GALNT13: variants seen among roughly 807,000 people sequenced by gnomAD.
GALNT13 encodes UDP-GalNAc:polypeptide N-acetylgalactosaminyltransferase 13.
GALNT13 carries 28 observed loss-of-function variants against 64.2 expected under a neutral mutation model. The ratio of observed to expected loss-of-function variants is 0.44; its 90% confidence interval spans 0.32 to 0.60. The LOEUF is 0.60. Ranked by LOEUF, GALNT13 falls within the 20% of genes least tolerant of loss-of-function variation. GALNT13 has a pLI of 0.05. For missense variants in GALNT13, 577 were observed against 669.8 expected (o/e 0.86, Z 1.53); for synonymous variants, 214 against 224.6 (o/e 0.95, Z 0.42).
chr2:154,184,855 A>G (rs1686167078), intron 4 of GALNT13, among the ~76,000 whole-genome samples: 1 of 152,116 alleles, frequency 6.6e-6, no homozygotes, highest in Non-Finnish European at 1.5e-5. Flanking sequence ...TAATACTTTA[A>G]TCTTAACTTT....
chr2:153,503,606 A>G, the GALNT13 span, among the ~76,000 whole-genome samples: 1 of 151,882 alleles, frequency 6.6e-6, no homozygotes, highest in South Asian at 2.1e-4. Context: ...ATACCCGGCT[A>G]ATTTTTGTAT....
chr2:153,908,216 G>A (rs545696002), intron 2 of GALNT13, among the ~76,000 whole-genome samples: 1 of 151,970 alleles, frequency 6.6e-6, no homozygotes, highest in African/African-American at 2.4e-5. Context: ...GTTGGTTCAT[G>A]TCCTCCGCCC....
At chr2:153,224,396 G>A in the GALNT13 span, among the ~76,000 whole-genome samples, 1 of 152,070 alleles carries the variant, frequency 6.6e-6, no homozygotes, top group Non-Finnish European at 1.5e-5. Flanking sequence ...CTCACTGAGT[G>A]GATGACAAGA....
intron 3 of GALNT13, among the ~76,000 whole-genome samples, chr2:153,962,338 G>A (rs72865093): frequency 0.072 from 11,012 of 152,174 alleles, 473 homozygotes; most frequent in Middle Eastern, 0.13. Flanking sequence ...TGGAATAGAC[G>A]TATCATGTGG....
chr2:153,334,498 T>C, the GALNT13 span, among the ~76,000 whole-genome samples: 1 of 152,204 alleles, frequency 6.6e-6, no homozygotes, highest in Non-Finnish European at 1.5e-5. Context: ...CTTTTACTTA[T>C]TGATTGCTTC....
chr2:153,719,069 TTGA>T, the GALNT13 span, among the ~76,000 whole-genome samples: 1 of 152,104 alleles, frequency 6.6e-6, no homozygotes, highest in Non-Finnish European at 1.5e-5. Context: ...TGAATCTCTG[TTGA>T]TGATGGCAAG....
At chr2:153,255,596 G>T in the GALNT13 span, among the ~76,000 whole-genome samples, 1 of 152,000 alleles carries the variant, frequency 6.6e-6, no homozygotes, top group Non-Finnish European at 1.5e-5. Context: ...ATTTTGCAGC[G>T]GCTGGTACCG....
At chr2:153,355,137 A>AT in the GALNT13 span, among the ~76,000 whole-genome samples, 29 of 152,160 alleles carry the variant, frequency 1.9e-4, no homozygotes, top group African/African-American at 6.8e-4. Context: ...AACTTTAATG[A>AT]TTTTTTCGTG....
the GALNT13 span, among the ~76,000 whole-genome samples, chr2:153,667,286 C>A: frequency 6.6e-6 from 1 of 152,000 alleles, no homozygotes; most frequent in East Asian, 1.9e-4. Context: ...TTCAGAGAAC[C>A]CCTGCAAGAT....
intron 4 of GALNT13, among the ~76,000 whole-genome samples, chr2:154,234,740 AATATG>A (rs1689100492): frequency 6.6e-6 from 1 of 152,174 alleles, no homozygotes; most frequent in Admixed American, 6.6e-5. Flanking sequence ...TAATTCATAC[AATATG>A]ACTCCTCATT....
intron 4 of GALNT13, among the ~76,000 whole-genome samples, chr2:154,149,286 T>A (rs1337137745): frequency 6.6e-6 from 1 of 152,202 alleles, no homozygotes; most frequent in Admixed American, 6.5e-5. Context: ...CATTGATCTA[T>A]ATCTCTGTTT....
intron 2 of GALNT13, among the ~76,000 whole-genome samples, chr2:153,921,689 A>G (rs1305043771): frequency 1.3e-5 from 2 of 152,160 alleles, no homozygotes; most frequent in Non-Finnish European, 2.9e-5. Context: ...TGCAAGTAGA[A>G]ATTATGAGGA....
the GALNT13 span, among the ~76,000 whole-genome samples, chr2:153,866,743 C>T: frequency 6.6e-6 from 1 of 152,094 alleles, no homozygotes; most frequent in Admixed American, 6.5e-5. Context: ...ATAAAGTCAA[C>T]ATTTTAACAA....
intron 4 of GALNT13, among the ~76,000 whole-genome samples, chr2:154,156,886 A>G (rs1684454827): frequency 1.3e-5 from 2 of 152,164 alleles, no homozygotes; most frequent in African/African-American, 2.4e-5. Context: ...TCATGCACAG[A>G]ATAGAATGAT....
chr2:153,102,429 T>TG, the GALNT13 span, among the ~76,000 whole-genome samples: 1 of 152,162 alleles, frequency 6.6e-6, no homozygotes, highest in South Asian at 2.1e-4. Flanking sequence ...CATTATTCAC[T>TG]GGGGAAAGAA....
At chr2:153,647,816 T>C in the GALNT13 span, among the ~76,000 whole-genome samples, 7 of 152,182 alleles carry the variant, frequency 4.6e-5, no homozygotes, top group Non-Finnish European at 8.8e-5. Context: ...TTCTGTTCCA[T>C]TGGTCTATAT....
the GALNT13 span, among the ~76,000 whole-genome samples, chr2:153,447,168 C>G: frequency 1.3e-5 from 2 of 152,170 alleles, no homozygotes; most frequent in Non-Finnish European, 2.9e-5. Context: ...TGGCATACAT[C>G]TCTAAGTTTA....
the GALNT13 span, among the ~76,000 whole-genome samples, chr2:153,138,840 A>AT: frequency 6.6e-6 from 1 of 151,986 alleles, no homozygotes; most frequent in African/African-American, 2.4e-5. Flanking sequence ...CAGTTACATG[A>AT]TTTTGCCACA....
chr2:154,073,759 C>T (rs1166115730), intron 3 of GALNT13, among the ~76,000 whole-genome samples: 6 of 151,782 alleles, frequency 4.0e-5, no homozygotes, highest in African/African-American at 1.4e-4. Context: ...CTATTACTTG[C>T]TGAGTTTTGA....
Sources: allele counts gnomAD v4.1 joint callset (sites outside exome capture counted in the v4.1 genomes callset), GRCh38; gene constraint gnomAD v4.1.1; transcripts MANE v1.5; gene names NCBI Gene and HGNC (gene_info 2026-07-23, HGNC 2026-07-21).